Variants in IPMK observed in about 807,000 individuals in gnomAD.
The protein encoded by IPMK is inositol polyphosphate multikinase, also known as inositol 1,3,4,6-tetrakisphosphate 5-kinase.
In IPMK, 17 loss-of-function variants were observed where a neutral mutation model predicts 45.8. The observed-to-expected ratio is 0.37, with a 90% CI of 0.25 to 0.56. The LOEUF is 0.56. Among genes scored for constraint, IPMK ranks in the 20% least tolerant of loss-of-function variants. The pLI is 0.79. For missense variants in IPMK, 399 were observed against 498.0 expected, an observed-to-expected ratio of 0.80 and a Z score of 1.89; for synonymous variants, 180 against 184.3, an observed-to-expected ratio of 0.98 and a Z score of 0.19.
At chr10:58,204,024 G>A (rs1052031073) in intron 4 of IPMK, among the ~76,000 whole-genome samples, 1 of 151,604 alleles carries the variant, frequency 6.6e-6, no homozygotes, top group African/African-American at 2.4e-5. Context: ...GTATTCTTTA[G>A]CAATAAGTAT....
At position 58,267,439 on chromosome 10, in the gene IPMK, T is replaced by C. The variant is rs747155105; in HGVS notation, c.173A>G (p.Tyr58Cys). The C allele has an allele frequency of 1.9e-6, 3 of 1,613,832 alleles. No individual in the cohort carries two copies. The South Asian group carries it at 3.3e-5, about 18-fold the overall frequency. Residue 58 changes from tyrosine to cysteine, a missense_variant, in exon 1 of 6, where the codon TAC (tyrosine) becomes TGC (cysteine). Physicochemically the swap from Tyr to Cys is radical, Grantham distance 194. Transcript: ENST00000373935. ...CCACTTACCCACTTTGTCCTTCCCG[T>C]ACATGTGCCCGGCCACCTGATGCGA... is the stretch of plus-strand genomic sequence containing the variant. Reference protein sequence around the residue: ...PLSHQVAGHMYGKDKVGILQH... With the variant: ...PLSHQVAGHMCGKDKVGILQH...
chr10:58,264,674 T>C (rs187437823), intron 1 of IPMK, among the ~76,000 whole-genome samples: 14 of 152,272 alleles, frequency 9.2e-5, no homozygotes, highest in Admixed American at 5.2e-4. Flanking sequence ...ACATTACTTA[T>C]CACAGCAAAC....
At chr10:58,249,521 GAT>G (rs778940722) in intron 1 of IPMK, among the ~76,000 whole-genome samples, 6 of 142,304 alleles carry the variant, frequency 4.2e-5, no homozygotes, top group Non-Finnish European at 7.6e-5. Context: ...ACTTTTGAGA[GAT>G]ATCTATTCAG....
chr10:58,241,857 C>T (rs547708084), intron 1 of IPMK, among the ~76,000 whole-genome samples: 11 of 151,890 alleles, frequency 7.2e-5, no homozygotes, highest in Non-Finnish European at 1.0e-4. Context: ...GGGGCTTCAA[C>T]ATATGAATTT....
chr10:58,207,577 C>T (rs889365899), intron 4 of IPMK, among the ~76,000 whole-genome samples: 1 of 152,102 alleles, frequency 6.6e-6, no homozygotes, highest in South Asian at 2.1e-4. Context: ...TAGTTTAAGT[C>T]CATTGTTTCT....
rs967150743 is a variant in IPMK at position 58,211,919 on chromosome 10, A to AAAAAAAAAAAAAT, written c.546+4225_546+4226insATTTTTTTTTTTT. On this transcript the variant is annotated intron_variant, in intron 4 of 5. Coordinates refer to ENST00000373935, the MANE Select transcript of IPMK (RefSeq NM_152230.5). The stretch of plus-strand genomic sequence containing the variant: ...ATCTCACCAAAAAAAAAAAAAAAAA[A>AAAAAAAAAAAAAT]AAAAAATTTGTTTTCATTGTTGTGG... Among the ~76,000 whole-genome samples, 133 of 148,220 alleles carry AAAAAAAAAAAAAT rather than the reference A, an allele frequency of 9.0e-4. 1 individual carries two copies. The highest frequency in any genetic ancestry group is 3.4e-3 in the African/African-American group (129 of 38,232).
chr10:58,231,566 C>A (rs1476592089), intron 2 of IPMK, among the ~76,000 whole-genome samples: 2 of 152,144 alleles, frequency 1.3e-5, no homozygotes, highest in African/African-American at 4.8e-5. Flanking sequence ...AATTTCATAT[C>A]CAGCCAAACT....
intron 4 of IPMK, among the ~76,000 whole-genome samples, chr10:58,202,975 C>T (rs1838018238): frequency 6.6e-6 from 1 of 152,130 alleles, no homozygotes; most frequent in Non-Finnish European, 1.5e-5. Context: ...TTTTGCAAGG[C>T]TACATACAGC....
At chr10:58,261,534 G>T (rs996565713) in intron 1 of IPMK, among the ~76,000 whole-genome samples, 2 of 151,048 alleles carry the variant, frequency 1.3e-5, no homozygotes, top group Non-Finnish European at 3.0e-5. Context: ...ACTGCGAAAA[G>T]GGAGAAAAAG....
At chr10:58,237,305 C>T (rs1338585344) in intron 2 of IPMK, among the ~76,000 whole-genome samples, 1 of 152,132 alleles carries the variant, frequency 6.6e-6, no homozygotes, top group Non-Finnish European at 1.5e-5. Context: ...AAATTACCTT[C>T]CCTAGGCTCC....
chr10:58,237,024 C>T (rs1838623954), intron 2 of IPMK, among the ~76,000 whole-genome samples: 1 of 152,154 alleles, frequency 6.6e-6, no homozygotes, highest in African/African-American at 2.4e-5. Flanking sequence ...TGCAATGAAT[C>T]AACATCATGC....
At chr10:58,259,251 G>C (rs1278271502) in intron 1 of IPMK, among the ~76,000 whole-genome samples, 1 of 152,084 alleles carries the variant, frequency 6.6e-6, no homozygotes, top group Non-Finnish European at 1.5e-5. Context: ...GCTCATTTCA[G>C]GGCCGAGACA....
chr10:58,267,403 C>T lies in IPMK; in HGVS notation c.190+19G>A. ...ACAGGCGGAAGGGGAGCGGCGAGAC[C>T]TATGCCACCCCCACTTACCCACTTT... is the stretch of plus-strand genomic sequence containing the variant. On this transcript the variant is annotated intron_variant, in intron 1 of 5. Coordinates refer to ENST00000373935, the MANE Select transcript of IPMK (RefSeq NM_152230.5). The T allele has an allele frequency of 1.2e-6, 2 of 1,611,810 alleles. No individual in the cohort carries two copies. The highest frequency in any genetic ancestry group is 1.1e-5 in the South Asian group (1 of 90,966).
intron 4 of IPMK, among the ~76,000 whole-genome samples, chr10:58,213,388 T>C (rs73292990): frequency 0.011 from 1,744 of 152,188 alleles, 28 homozygotes; most frequent in African/African-American, 0.04. Flanking sequence ...CCTCAGCATT[T>C]AAAGAATAAA....
In IPMK at chr10:58,195,556, G is replaced by C. The variant is rs1837879197; in HGVS notation, c.*520C>G. 2.0e-5 allele frequency: 3 copies of C among 152,348 alleles called. No individual in the cohort carries two copies. The South Asian group carries it at 6.2e-4, about 32-fold the overall frequency. The allele number at this position is 152,348 out of a possible 1,614,324, so 9.4% of individuals were successfully genotyped here. A position where few individuals can be genotyped will look rare whatever the true frequency, so the allele number is the denominator to read the frequency against. On this transcript the variant is annotated 3_prime_UTR_variant, in exon 6 of 6. Coordinates refer to ENST00000373935, the MANE Select transcript of IPMK (RefSeq NM_152230.5). Reference sequence around the variant, plus strand: ...TTCACTAAGGAGCACCCTTTGATATGCTGGTCTGAACTTTTAATATAAAAC... The same window carrying C: ...TTCACTAAGGAGCACCCTTTGATATCCTGGTCTGAACTTTTAATATAAAAC...
chr10:58,246,233 G>T (rs1162306450), intron 1 of IPMK, among the ~76,000 whole-genome samples: 6 of 149,470 alleles, frequency 4.0e-5, no homozygotes, highest in Admixed American at 1.3e-4. Flanking sequence ...ACTGCCCAAG[G>T]TAATTTACAG....
chr10:58,236,990 A>T (rs1263778130), intron 2 of IPMK, among the ~76,000 whole-genome samples: 1 of 152,136 alleles, frequency 6.6e-6, no homozygotes. Flanking sequence ...GTGGGAGAAT[A>T]GCTTGAGCCT....
At chr10:58,230,455 A>T (rs1161219488) in intron 2 of IPMK, among the ~76,000 whole-genome samples, 1 of 152,202 alleles carries the variant, frequency 6.6e-6, no homozygotes, top group Non-Finnish European at 1.5e-5. Flanking sequence ...AAGCTTCCAG[A>T]GGAAGGATCA....
At chr10:58,225,983 G>A (rs1408761611) in intron 3 of IPMK, among the ~76,000 whole-genome samples, 4 of 152,072 alleles carry the variant, frequency 2.6e-5, no homozygotes, top group Non-Finnish European at 4.4e-5. Context: ...AAAAAGACCT[G>A]TAAGCCCACA....
Sources: gnomAD v4.1 joint callset for allele counts (sites outside exome capture counted in the v4.1 genomes callset) on GRCh38, gnomAD v4.1.1 for gene constraint, MANE v1.5 for transcripts, NCBI Gene and HGNC (gene_info 2026-07-23, HGNC 2026-07-21) for gene names.